The following PCNX2 variants were observed in gnomAD, a reference collection of about 807,000 sequenced individuals.
PCNX2 encodes pecanex-like protein 2.
A neutral mutation model predicts 223.8 loss-of-function variants in PCNX2; 168 were observed. The ratio of observed to expected loss-of-function variants is 0.75; its 90% confidence interval spans 0.66 to 0.85. The LOEUF is 0.85. Ranked by LOEUF, PCNX2 falls within the 40% of genes least tolerant of loss-of-function variation. The pLI is 0.00. For synonymous variants in PCNX2, 1,006 were observed against 1,052.6 expected (o/e 0.96, Z 0.86); for missense variants, 2,507 against 2,675.5 (o/e 0.94, Z 1.39).
rs951464024 is a variant in PCNX2, at chr1:233,001,044, T to C, written c.5097+493A>G. 6.6e-6 allele frequency among the ~76,000 whole-genome samples: 1 copy of C among 152,172 alleles called. No homozygotes were observed. The highest frequency in any genetic ancestry group is 1.5e-5 in the Non-Finnish European group (1 of 68,020). On this transcript the variant is annotated intron_variant, in intron 29 of 33. Coordinates refer to ENST00000258229, the MANE Select transcript of PCNX2 (RefSeq NM_014801.4). The surrounding 1 kb of genome is among the most constrained non-coding windows in gnomAD (Gnocchi z 4.2). ...TCAGGCTGATCCTTTTTCTTTTTTTTTCCCCAAGAGACAGGGTCTTGCACT... is the reference window on the plus strand; with the variant it reads ...TCAGGCTGATCCTTTTTCTTTTTTTCTCCCCAAGAGACAGGGTCTTGCACT...
the PCNX2 span, among the ~76,000 whole-genome samples, chr1:233,326,029 A>G: frequency 5.9e-5 from 9 of 152,256 alleles, no homozygotes; most frequent in Non-Finnish European, 1.2e-4. Context: ...AGCTATCAAC[A>G]TAGAGGCAAG....
intron 1 of PCNX2, among the ~76,000 whole-genome samples, chr1:233,270,522 T>C (rs1036412912): frequency 3.9e-5 from 6 of 152,128 alleles, no homozygotes; most frequent in African/African-American, 1.2e-4. Flanking sequence ...TCCCCTTAGA[T>C]ATAGGCCCCC....
chr1:232,998,333 G>A lies in PCNX2; in HGVS notation c.5709C>T (p.Gly1903=). ...GCTGTTCTGCGCTGCTCTCCTGGCTGCCACCACTCGGGGCATTGTTGCCAC... is the reference window on the plus strand; with the variant it reads ...GCTGTTCTGCGCTGCTCTCCTGGCTACCACCACTCGGGGCATTGTTGCCAC... The part of the protein sequence containing the change: ...TTGGNNAPSG[G]SQESSAEQPR... The change falls in exon 32 of 34, where the codon GGC becomes GGT. Residue 1903 remains glycine (G), a synonymous_variant. Transcript: ENST00000258229. 6.2e-7 allele frequency: 1 copy of A among 1,613,086 alleles called. No individual in the cohort carries two copies. The highest frequency in any genetic ancestry group is 8.5e-7 in the Non-Finnish European group (1 of 1,179,590).
chr1:233,252,490 G>A lies in PCNX2; in HGVS notation c.1992C>T (p.Gly664=), dbSNP rs1420738144. The change falls in exon 7 of 34, where the codon GGC becomes GGT. Residue 664 remains glycine (G), a synonymous_variant. Transcript: ENST00000258229. ...QPAKTTAFFQ[G]NRQRQIIYRV... ...TGTAGATTATCTGTCTTTGTCTATTGCCCTGAAAACTTAACACATATAAAA... is the reference window on the plus strand; with the variant it reads ...TGTAGATTATCTGTCTTTGTCTATTACCCTGAAAACTTAACACATATAAAA... 14 of 1,606,002 alleles carry A rather than the reference G, an allele frequency of 8.7e-6. No individual in the cohort carries two copies. The highest frequency in any genetic ancestry group is 1.2e-5 in the Non-Finnish European group (14 of 1,174,864).
At chr1:233,273,076 T>A (rs1261869739) in intron 1 of PCNX2, among the ~76,000 whole-genome samples, 1 of 150,420 alleles carries the variant, frequency 6.6e-6, no homozygotes, top group Non-Finnish European at 1.5e-5. Context: ...TGCAACAAAG[T>A]CTCACAAATC....
intron 25 of PCNX2, among the ~76,000 whole-genome samples, chr1:233,046,098 T>TG (rs1671814378): frequency 6.6e-6 from 1 of 152,228 alleles, no homozygotes. Context: ...TCCACAGCCT[T>TG]GGGGAGCTTG....
chr1:233,120,517 C>G (rs560658967), intron 21 of PCNX2, among the ~76,000 whole-genome samples: 8 of 152,282 alleles, frequency 5.3e-5, no homozygotes, highest in African/African-American at 1.7e-4. Flanking sequence ...AATGGTATAG[C>G]CACTCTGGCA....
At chr1:233,279,787 C>G (rs1661095768) in intron 1 of PCNX2, among the ~76,000 whole-genome samples, 1 of 152,022 alleles carries the variant, frequency 6.6e-6, no homozygotes, top group Non-Finnish European at 1.5e-5. Context: ...TTTAAGATGT[C>G]TTTGTGGCTC....
At chr1:233,079,101 C>T (rs191619423) in intron 23 of PCNX2, among the ~76,000 whole-genome samples, 8 of 152,248 alleles carry the variant, frequency 5.3e-5, no homozygotes, top group Non-Finnish European at 1.0e-4. Context: ...GAGCTTAAAG[C>T]TCTTTTGTCT....
the PCNX2 span, among the ~76,000 whole-genome samples, chr1:233,327,031 C>A: frequency 6.6e-6 from 1 of 152,248 alleles, no homozygotes; most frequent in South Asian, 2.1e-4. Flanking sequence ...GTGGCTCAAA[C>A]GCACTTAGCA....
At chr1:233,196,407 A>G (rs1453525313) in intron 15 of PCNX2, among the ~76,000 whole-genome samples, 3 of 152,082 alleles carry the variant, frequency 2.0e-5, no homozygotes, top group Non-Finnish European at 4.4e-5. Flanking sequence ...TTCAAAATAT[A>G]CTGTTAAAAA....
intron 23 of PCNX2, among the ~76,000 whole-genome samples, chr1:233,076,047 A>AC (rs1277629841): frequency 6.6e-6 from 1 of 152,246 alleles, no homozygotes; most frequent in African/African-American, 2.4e-5. Context: ...AAGTCAGCCA[A>AC]CTGGGAAATT....
intron 32 of PCNX2, among the ~76,000 whole-genome samples, chr1:232,988,473 A>T (rs575472163): frequency 6.6e-6 from 1 of 152,130 alleles, no homozygotes; most frequent in African/African-American, 2.4e-5. Flanking sequence ...GAAGCAAACC[A>T]TGCTAAATGC....
In PCNX2 at chr1:233,258,616, CT is replaced by C; in HGVS notation, c.1245del (p.Ala417ArgfsTer14). 1.2e-6 allele frequency: 2 copies of C among 1,613,968 alleles called. No individual in the cohort carries two copies. The highest frequency in any genetic ancestry group is 1.3e-5 in the African/African-American group (1 of 75,050). ...SVKSDAEPTN[P>X]GAAGSPNAEQ... ...TCGGCATTTGGAGAACCGGCCGCCC[CT>C]GGGTTAGTGGGCTCAGCGTCAGACT... On this transcript the variant is annotated frameshift_variant, in exon 5 of 34. Coordinates refer to ENST00000258229, the MANE Select transcript of PCNX2 (RefSeq NM_014801.4). LOFTEE classifies it high-confidence loss of function.
the PCNX2 span, among the ~76,000 whole-genome samples, chr1:233,316,081 T>G: frequency 6.6e-6 from 1 of 152,342 alleles, no homozygotes; most frequent in South Asian, 2.1e-4. Flanking sequence ...CACTCAGGTT[T>G]TTACATTGTT....
chr1:233,090,651 ATATCTATCCATC>A (rs1673825494), intron 22 of PCNX2, among the ~76,000 whole-genome samples: 2 of 152,228 alleles, frequency 1.3e-5, no homozygotes, highest in Non-Finnish European at 2.9e-5. Flanking sequence ...ACTGTTTGAA[ATATCTATCCATC>A]TATCTATCTA....
At chr1:233,197,657 A>G (rs1406285967) in intron 15 of PCNX2, among the ~76,000 whole-genome samples, 1 of 152,112 alleles carries the variant, frequency 6.6e-6, no homozygotes, top group Non-Finnish European at 1.5e-5. Flanking sequence ...TATCTATATG[A>G]TAGGAATAGA....
At chr1:233,120,709 T>G (rs916038337) in intron 21 of PCNX2, among the ~76,000 whole-genome samples, 1 of 152,180 alleles carries the variant, frequency 6.6e-6, no homozygotes, top group Non-Finnish European at 1.5e-5. Flanking sequence ...TCCACTTATG[T>G]AACATTCTTG....
intron 23 of PCNX2, among the ~76,000 whole-genome samples, chr1:233,086,501 C>CA (rs531779532): frequency 0.013 from 1,892 of 142,738 alleles, 37 homozygotes; most frequent in African/African-American, 0.044. Context: ...ACTAAAAATA[C>CA]AAAAAAAAAA....
Sources: gnomAD v4.1 joint callset for allele counts (sites outside exome capture counted in the v4.1 genomes callset) on GRCh38, gnomAD v4.1.1 for gene constraint, Gnocchi (gnomAD v3.1) non-coding constraint, MANE v1.5 for transcripts, NCBI Gene and HGNC (gene_info 2026-07-23, HGNC 2026-07-21) for gene names.